The following PCCA variants were observed in gnomAD, a reference collection of about 807,000 sequenced individuals.
The protein encoded by PCCA is propionyl-CoA carboxylase subunit alpha.
Under a neutral mutation model 101.3 loss-of-function variants are expected in PCCA, and 74 were observed. The ratio of observed to expected loss-of-function variants is 0.73; its 90% CI spans 0.61 to 0.89. PCCA has a LOEUF of 0.89. Among genes scored for constraint, PCCA ranks in the 40% least tolerant of loss-of-function variants. The pLI, the probability that PCCA is intolerant of heterozygous loss-of-function variation, is 0.00. For synonymous variants in PCCA, 294 were observed against 313.6 expected, an observed-to-expected ratio of 0.94 and a Z score of 0.66; for missense variants, 891 against 907.0, an observed-to-expected ratio of 0.98 and a Z score of 0.23.
intron 7 of PCCA, among the ~76,000 whole-genome samples, chr13:100,235,218 A>C (rs1277538498): frequency 1.3e-5 from 2 of 151,536 alleles, no homozygotes; most frequent in African/African-American, 4.8e-5. Flanking sequence ...GTTCGTTGAA[A>C]TTAAAGTTTT....
chr13:100,523,972 C>G (rs1328659008), intron 22 of PCCA, among the ~76,000 whole-genome samples: 1 of 152,236 alleles, frequency 6.6e-6, no homozygotes, highest in East Asian at 1.9e-4. Context: ...AGGGCCCTCT[C>G]TGTGCACCCA....
intron 7 of PCCA, 84 bp from the exon 8 acceptor site, chr13:100,235,758 C>G: frequency 1.2e-6 from 1 of 847,940 alleles, no homozygotes; most frequent in Non-Finnish European, 2.1e-6. Context: ...TCGGAGGAGA[C>G]AGTAGTGCAA....
chr13:100,429,280 C>A (rs1195275679), intron 20 of PCCA, among the ~76,000 whole-genome samples: 1 of 151,926 alleles, frequency 6.6e-6, no homozygotes, highest in East Asian at 1.9e-4. Context: ...AGAGTTCCAG[C>A]TTAACACCTC....
intron 6 of PCCA, among the ~76,000 whole-genome samples, chr13:100,158,237 G>T (rs1594433542): frequency 6.6e-6 from 1 of 152,212 alleles, no homozygotes; most frequent in African/African-American, 2.4e-5. Flanking sequence ...TACAGTATTA[G>T]AATCTATGGA....
chr13:100,412,377 G>A (rs1195620516), intron 19 of PCCA, among the ~76,000 whole-genome samples: 1 of 152,210 alleles, frequency 6.6e-6, no homozygotes, highest in Non-Finnish European at 1.5e-5. Flanking sequence ...GAATCTGGGT[G>A]AAGGGTGTAA....
At chr13:100,475,814 C>A (rs1447212450) in intron 21 of PCCA, among the ~76,000 whole-genome samples, 3 of 152,082 alleles carry the variant, frequency 2.0e-5, no homozygotes, top group Non-Finnish European at 4.4e-5. Flanking sequence ...TCGTTATTGT[C>A]TTTTTTATTA....
At chr13:100,127,272 G>A (rs1051904456) in intron 4 of PCCA, among the ~76,000 whole-genome samples, 3 of 151,922 alleles carry the variant, frequency 2.0e-5, no homozygotes, top group African/African-American at 4.8e-5. Flanking sequence ...GTGACTTGTG[G>A]ATATTTTCTT....
At chr13:100,331,783 A>T (rs1016226385) in intron 17 of PCCA, among the ~76,000 whole-genome samples, 1 of 151,776 alleles carries the variant, frequency 6.6e-6, no homozygotes, top group South Asian at 2.1e-4. Flanking sequence ...TATTCTTTTA[A>T]TATTTGTTGG....
chr13:100,399,040 A>G (rs1297594185), intron 19 of PCCA, among the ~76,000 whole-genome samples: 3 of 152,106 alleles, frequency 2.0e-5, no homozygotes, highest in African/African-American at 4.8e-5. Flanking sequence ...AAGAAATACA[A>G]TCAAATTTGA....
chr13:100,247,267 G>A (rs1180381718), intron 8 of PCCA, among the ~76,000 whole-genome samples: 1 of 147,710 alleles, frequency 6.8e-6, no homozygotes, highest in African/African-American at 2.5e-5. Flanking sequence ...GCCCAGACGG[G>A]AGTACAGTGG....
chr13:100,294,148 C>G (rs1317135302), intron 12 of PCCA, among the ~76,000 whole-genome samples: 1 of 152,148 alleles, frequency 6.6e-6, no homozygotes, highest in Non-Finnish European at 1.5e-5. Flanking sequence ...CCTGTGTCTT[C>G]CTGTGGCCTC....
At chr13:100,433,761 T>C (rs1390865228) in intron 20 of PCCA, among the ~76,000 whole-genome samples, 1 of 152,212 alleles carries the variant, frequency 6.6e-6, no homozygotes, top group Non-Finnish European at 1.5e-5. Flanking sequence ...GCTTGCTTTA[T>C]ATTGTAGGGG....
chr13:100,440,571 C>T (rs969908510), intron 20 of PCCA, among the ~76,000 whole-genome samples: 3 of 151,528 alleles, frequency 2.0e-5, no homozygotes, highest in African/African-American at 4.9e-5. Flanking sequence ...AAAAATAAAG[C>T]GGCATACATT....
At chr13:100,150,215 G>A (rs1355362601) in intron 4 of PCCA, among the ~76,000 whole-genome samples, 3 of 151,822 alleles carry the variant, frequency 2.0e-5, no homozygotes, top group African/African-American at 7.3e-5. Context: ...GTATTTTTTG[G>A]TAGAGACAGG....
At chr13:100,194,858 G>A (rs2058006911) in intron 6 of PCCA, among the ~76,000 whole-genome samples, 1 of 152,110 alleles carries the variant, frequency 6.6e-6, no homozygotes. Context: ...GGAAGGGGTG[G>A]CATTGGGCAT....
intron 1 of PCCA, among the ~76,000 whole-genome samples, chr13:100,098,006 A>G (rs1275851571): frequency 6.6e-6 from 1 of 152,014 alleles, no homozygotes; most frequent in Non-Finnish European, 1.5e-5. Context: ...TCTGGGCAAC[A>G]TAGTGAGATC....
chr13:100,513,172 ACACT>A (rs1234870948), intron 21 of PCCA, among the ~76,000 whole-genome samples: 4 of 152,262 alleles, frequency 2.6e-5, no homozygotes, highest in African/African-American at 9.6e-5. Context: ...TTTGTGTGGT[ACACT>A]CACGGGCTCA....
chr13:100,148,645 T>A (rs2052896040), intron 4 of PCCA, among the ~76,000 whole-genome samples: 1 of 152,198 alleles, frequency 6.6e-6, no homozygotes, highest in East Asian at 1.9e-4. Flanking sequence ...TGTTGTTTAC[T>A]GTATCGTCAG....
intron 6 of PCCA, among the ~76,000 whole-genome samples, chr13:100,182,034 G>T (rs1397860606): frequency 6.7e-6 from 1 of 149,264 alleles, no homozygotes; most frequent in African/African-American, 2.5e-5. Flanking sequence ...TTCTATAACT[G>T]CCCCTTGTAT....
Sources: allele counts gnomAD v4.1 joint callset (sites outside exome capture counted in the v4.1 genomes callset), GRCh38; gene constraint gnomAD v4.1.1; transcripts MANE v1.5; gene names NCBI Gene and HGNC (gene_info 2026-07-23, HGNC 2026-07-21).